Variants in USP28 observed in about 807,000 individuals in gnomAD.
USP28 encodes ubiquitin specific peptidase 28.
Under a neutral mutation model 145.0 loss-of-function variants are expected in USP28, and 113 were observed. The observed-to-expected ratio is 0.78, with a 90% CI of 0.67 to 0.91. USP28 has a LOEUF of 0.91. Among genes scored for constraint, USP28 ranks in the 40% least tolerant of loss-of-function variants. USP28 has a pLI of 0.00. For missense variants in USP28, 1,201 were observed against 1,289.6 expected (o/e 0.93, Z 1.05); for synonymous variants, 447 against 450.9 (o/e 0.99, Z 0.11).
intron 11 of USP28, among the ~76,000 whole-genome samples, chr11:113,825,855 A>G (rs1233701157): frequency 6.6e-6 from 1 of 152,020 alleles, no homozygotes; most frequent in Non-Finnish European, 1.5e-5. Context: ...GGGAATGATC[A>G]CAATGGGACA....
chr11:113,802,993 T>C (rs992731613), intron 23 of USP28, among the ~76,000 whole-genome samples, 165 bp downstream of exon 24: 1 of 151,908 alleles, frequency 6.6e-6, no homozygotes, highest in African/African-American at 2.4e-5. Context: ...TCACTAAAAG[T>C]AACTGAAAAA....
intron 19 of USP28, 137 bp from the exon 21 acceptor site, chr11:113,805,183 T>C: frequency 1.3e-6 from 1 of 787,230 alleles, no homozygotes. Context: ...CAAAAACAAC[T>C]ATGGAATTTT....
rs1946594479 is a variant in USP28, at chr11:113,852,588, C to A, written c.181G>T (p.Glu61Ter). The stretch of plus-strand genomic sequence containing the variant: ...TCTTGACTGGGCTCCTTAACTCTCT[C>A]ATCAGTGAGAAGGCTGACTGCCTGA... The change falls in exon 3 of 25, where the codon GAG becomes TAG. Residue 61 changes from glutamate (E) to a stop codon, truncating the protein, a stop_gained. Transcript: ENST00000003302. LOFTEE classifies it high-confidence loss of function. 4 of 1,614,184 alleles carry A rather than the reference C, an allele frequency of 2.5e-6. No homozygotes were observed. The highest frequency in any genetic ancestry group is 3.4e-6 in the Non-Finnish European group (4 of 1,180,040).
intron 4 of USP28, 144 bp from the exon 5 acceptor site, chr11:113,840,901 G>A (rs1199227823): frequency 2.1e-5 from 22 of 1,032,532 alleles, no homozygotes; most frequent in Non-Finnish European, 2.8e-5. Context: ...ATAAGGAACT[G>A]TAAGACTGTA....
At chr11:113,818,181 TC>T (rs1942045074) in intron 12 of USP28, 1 of 166,348 alleles carries the variant, frequency 6.0e-6, no homozygotes, top group African/African-American at 2.4e-5. Context: ...AGACAGAGTC[TC>T]CCTCTGTTGC....
chr11:113,836,830 G>A (rs1387255143), intron 5 of USP28, among the ~76,000 whole-genome samples: 1 of 152,028 alleles, frequency 6.6e-6, no homozygotes, highest in Non-Finnish European at 1.5e-5. Flanking sequence ...GTAACTCCCT[G>A]TCCACTCAGA....
At chr11:113,875,504 C>T in exon 1 of USP28, 1 of 1,172,860 alleles carries the variant, frequency 8.5e-7, no homozygotes, top group Admixed American at 4.7e-5. Context: ...GCAGTCATGG[C>T]CGAGGCGCCC....
At chr11:113,843,861 A>G (rs139180393) in intron 3 of USP28, among the ~76,000 whole-genome samples, 1 of 151,980 alleles carries the variant, frequency 6.6e-6, no homozygotes, top group Admixed American at 6.5e-5. Context: ...AGTACTAGAC[A>G]ACTCAAGAAG....
rs896176443 is a variant in USP28, at chr11:113,802,822, G to A, written c.2862+336C>T. The stretch of plus-strand genomic sequence containing the variant: ...TGGTTCCTACATGACAGGCACAGAG[G>A]AAATGGCTGAGTGAGAAAAGGATCT... On this transcript the variant is annotated intron_variant, in intron 23 of 24. Transcript: ENST00000003302. Among the ~76,000 whole-genome samples the A allele has an allele frequency of 3.3e-5, 5 of 152,156 alleles. 1 individual carries two copies. The highest frequency in any genetic ancestry group is 6.5e-5 in the Admixed American group (1 of 15,272).
chr11:113,862,401 G>C (rs1947787221), intron 1 of USP28, among the ~76,000 whole-genome samples: 1 of 152,192 alleles, frequency 6.6e-6, no homozygotes, highest in South Asian at 2.1e-4. Context: ...ATTACAAAGG[G>C]TTCTAAATGT....
chr11:113,815,219 T>A (rs1443906884), exon 14 of USP28: 2 of 1,614,112 alleles, frequency 1.2e-6, no homozygotes, highest in African/African-American at 2.7e-5. Context: ...TGAAGACAGG[T>A]CTTAACAAAA....
At position 113,833,409 on chromosome 11, in the gene USP28, T is replaced by G. The variant is rs781257254; in HGVS notation, c.759+11A>C. On this transcript the variant is annotated intron_variant, in intron 7 of 24. Coordinates refer to ENST00000003302, the Ensembl canonical transcript of USP28. ...ATGACTTCAAACTCAAGAACAAGGCTTCTTTTGTACCTGCTGTTCCTCAGA... is the reference window on the plus strand; with the variant it reads ...ATGACTTCAAACTCAAGAACAAGGCGTCTTTTGTACCTGCTGTTCCTCAGA... 1.1e-5 allele frequency: 17 copies of G among 1,607,538 alleles called. No homozygotes were observed. Among genetic ancestry groups the G allele is most frequent in the Middle Eastern group, 1.7e-4 (1 of 6,022 alleles).
chr11:113,841,111 T>C (rs1945149539), intron 4 of USP28, among the ~76,000 whole-genome samples: 1 of 152,132 alleles, frequency 6.6e-6, no homozygotes, highest in Non-Finnish European at 1.5e-5. Flanking sequence ...GTGCTAAAGA[T>C]AAGAGCCTCC....
intron 3 of USP28, among the ~76,000 whole-genome samples, chr11:113,847,063 A>G (rs900926036): frequency 6.6e-5 from 10 of 152,202 alleles, no homozygotes; most frequent in African/African-American, 2.2e-4. Flanking sequence ...ATTATGATAG[A>G]ATATTACCAT....
chr11:113,865,380 G>A (rs1948151818), intron 1 of USP28, among the ~76,000 whole-genome samples: 1 of 152,114 alleles, frequency 6.6e-6, no homozygotes, highest in South Asian at 2.1e-4. Flanking sequence ...GGACCTGGAA[G>A]AACTAAAACA....
At chr11:113,851,783 T>C (rs1946479025) in intron 3 of USP28, among the ~76,000 whole-genome samples, 1 of 122,366 alleles carries the variant, frequency 8.2e-6, no homozygotes, top group Admixed American at 8.6e-5. Flanking sequence ...AGACTCCATC[T>C]CAAAAAAAAA....
At chr11:113,829,913 G>A (rs2135920539) in intron 9 of USP28, among the ~76,000 whole-genome samples, 1 of 151,056 alleles carries the variant, frequency 6.6e-6, no homozygotes, top group South Asian at 2.1e-4. Flanking sequence ...GAATAGTCTT[G>A]CCAAAAAAAG....
chr11:113,826,903 G>A (rs1213915418), intron 11 of USP28, among the ~76,000 whole-genome samples: 1 of 144,236 alleles, frequency 6.9e-6, no homozygotes, highest in Non-Finnish European at 1.5e-5. Flanking sequence ...TGGGCAACAA[G>A]AGCAAAACTC....
At chr11:113,834,162 C>G in intron 6 of USP28, 87 bp downstream of exon 6, 1 of 937,132 alleles carries the variant, frequency 1.1e-6, no homozygotes, top group Non-Finnish European at 1.6e-6. Context: ...AAGAGTATCA[C>G]GGATATCAGC....
Sources: allele counts gnomAD v4.1 joint callset (sites outside exome capture counted in the v4.1 genomes callset), GRCh38; gene constraint gnomAD v4.1.1; transcripts MANE v1.5; gene names NCBI Gene and HGNC (gene_info 2026-07-23, HGNC 2026-07-21).